The following ANKS1A variants were observed in gnomAD, a reference collection of about 807,000 sequenced individuals.
The protein encoded by ANKS1A is ankyrin repeat and SAM domain-containing protein 1A.
A neutral mutation model predicts 120.3 loss-of-function variants in ANKS1A; 55 were observed. The ratio of observed to expected loss-of-function variants is 0.46; its 90% CI spans 0.37 to 0.57. ANKS1A has a LOEUF of 0.57. ANKS1A is among the 20% of genes least tolerant of loss of function. ANKS1A has a pLI of 0.00. For synonymous variants in ANKS1A, 590 were observed against 604.7 expected (o/e 0.98, Z 0.36); for missense variants, 1,123 against 1,480.3 (o/e 0.76, Z 3.96).
chr6:35,082,696 G>A lies in ANKS1A; in HGVS notation c.2715G>A (p.Glu905=). Residue 905 remains glutamate, a synonymous_variant, in exon 18 of 24, where the codon GAG becomes GAA. Coordinates refer to ENST00000360359, the MANE Select transcript of ANKS1A (RefSeq NM_015245.3). This position sits in a 1 kb window ranked among gnomAD's most constrained non-coding sequence, Gnocchi z 4.1. The part of the protein sequence containing the change: ...SRAERFRIQE[E]HREAKLTLRP... ...CAATTGCGTGTGTTTCGCAGGAGGA[G>A]CACCGTGAGGCCAAGCTGACCCTGC... 2 of 1,609,140 alleles carry A rather than the reference G, an allele frequency of 1.2e-6. No homozygotes were observed. Among genetic ancestry groups the A allele is most frequent in the South Asian group, 2.2e-5 (2 of 90,548 alleles).
chr6:35,081,166 AG>A lies in ANKS1A; in HGVS notation c.2709+13del. The A allele has an allele frequency of 6.2e-7, 1 of 1,603,618 alleles. No individual in the cohort carries two copies. ...GAGCGCTTCAGGATCCAGGTGGGGC[AG>A]GGGGAGTGGAGGTGCAGCCAGGCTC... On this transcript the variant is annotated intron_variant, in intron 17 of 23. Coordinates refer to ENST00000360359, the MANE Select transcript of ANKS1A (RefSeq NM_015245.3).
At position 34,889,464 on chromosome 6, in the gene ANKS1A, A is replaced by T; in HGVS notation, c.62A>T (p.Lys21Met). 7.8e-7 allele frequency: 1 copy of T among 1,287,596 alleles called. No individual in the cohort carries two copies. The highest frequency in any genetic ancestry group is 9.8e-7 in the Non-Finnish European group (1 of 1,022,208). 79.8% of individuals were successfully genotyped at this position (1,287,596 alleles called of 1,614,324 possible). A position where few individuals can be genotyped will look rare whatever the true frequency, so the allele number is the denominator to read the frequency against. Reference sequence around the variant, plus strand: ...ACCGGGCACCTCCCGGCGGTGGAGAAGCTGCTGTCCGGGAAGCGGCTCTCC... The same window carrying T: ...ACCGGGCACCTCCCGGCGGTGGAGATGCTGCTGTCCGGGAAGCGGCTCTCC... ...ARTGHLPAVEKLLSGKRLSSG... is the reference protein window; with the variant it reads ...ARTGHLPAVEMLLSGKRLSSG... The change falls in exon 1 of 24, where the codon AAG becomes ATG. Residue 21 changes from lysine to methionine, a missense_variant. Lys to Met is a moderately conservative substitution (Grantham distance 95). Transcript: ENST00000360359. The surrounding 1 kb of genome is among the most constrained non-coding windows in gnomAD (Gnocchi z 5.5).
At chr6:34,993,784 G>T (rs1231757354) in intron 9 of ANKS1A, among the ~76,000 whole-genome samples, 1 of 152,166 alleles carries the variant, frequency 6.6e-6, no homozygotes, top group African/African-American at 2.4e-5. Context: ...TATTAGAAAA[G>T]AAACGTGGAG....
rs570109771 is a variant in ANKS1A at position 34,935,918 on chromosome 6, CG to C, written c.198-31318del. ...TCTACTAAAAATACAAAAAATTAGCCGGGCGTAGTGGCGGGCGCCTGTAGTC... is the reference window on the plus strand; with the variant it reads ...TCTACTAAAAATACAAAAAATTAGCCGGCGTAGTGGCGGGCGCCTGTAGTC... On this transcript the variant is annotated intron_variant, in intron 1 of 23. Transcript: ENST00000360359. Among the ~76,000 whole-genome samples the C allele has an allele frequency of 7.5e-3, 1,127 of 150,908 alleles. 20 individuals carry two copies. The highest frequency in any genetic ancestry group is 0.026 in the African/African-American group (1,071 of 41,124).
At chr6:34,922,272 C>T (rs540312244) in intron 1 of ANKS1A, among the ~76,000 whole-genome samples, 20 of 152,260 alleles carry the variant, frequency 1.3e-4, no homozygotes, top group African/African-American at 4.8e-4. Flanking sequence ...CCCCATTTTA[C>T]AGATGAGGAA....
rs1204963327 is a variant in ANKS1A, at chr6:35,090,193, C to T, written c.*1584C>T. On this transcript the variant is annotated 3_prime_UTR_variant, in exon 24 of 24. Coordinates refer to ENST00000360359, the MANE Select transcript of ANKS1A (RefSeq NM_015245.3). ...TTGGTACTAAACGAAGATCTCGACA[C>T]CTTGCAGTTTTACTTCATTTCCTGC... 4.7e-6 allele frequency: 6 copies of T among 1,289,348 alleles called. No homozygotes were observed. The highest frequency in any genetic ancestry group is 1.5e-5 in the African/African-American group (1 of 65,872). 79.9% of individuals were successfully genotyped at this position (1,289,348 alleles called of 1,614,324 possible).
At chr6:35,071,429 C>T (rs375657816) in intron 13 of ANKS1A, among the ~76,000 whole-genome samples, 4 of 152,186 alleles carry the variant, frequency 2.6e-5, no homozygotes, top group Non-Finnish European at 4.4e-5. Flanking sequence ...TGTCTTGTTG[C>T]TACAGAGTCC....
At chr6:35,039,091 T>TGGG (rs36124416) in intron 11 of ANKS1A, among the ~76,000 whole-genome samples, 59 of 113,914 alleles carry the variant, frequency 5.2e-4, no homozygotes, top group African/African-American at 1.2e-3. Flanking sequence ...TGTGTGTGTG[T>TGGG]GGGGGGGGGT....
At chr6:34,978,935 G>A (rs188725176) in intron 3 of ANKS1A, among the ~76,000 whole-genome samples, 7 of 150,778 alleles carry the variant, frequency 4.6e-5, no homozygotes, top group East Asian at 2.0e-4. Flanking sequence ...TTGTTCTGTC[G>A]CCCAGGCTGG....
chr6:34,999,835 AAAGAGAGG>A (rs1238650261), intron 10 of ANKS1A, among the ~76,000 whole-genome samples: 1 of 152,126 alleles, frequency 6.6e-6, no homozygotes, highest in East Asian at 1.9e-4. Context: ...CAGCAGAGAG[AAAGAGAGG>A]AAAAGACAGG....
At chr6:34,902,802 C>CA (rs11426793) in intron 1 of ANKS1A, among the ~76,000 whole-genome samples, 10,266 of 75,088 alleles carry the variant, frequency 0.14, 621 homozygotes, top group East Asian at 0.3. Context: ...GACTCCGTCT[C>CA]AAAAAAAAAA....
chr6:35,075,695 G>A (rs965843661), intron 13 of ANKS1A, among the ~76,000 whole-genome samples: 2 of 152,148 alleles, frequency 1.3e-5, no homozygotes, highest in South Asian at 2.1e-4. Context: ...ATTACAGGCC[G>A]AGCCACCGCG....
chr6:34,944,585 T>C (rs1379671480), intron 1 of ANKS1A, among the ~76,000 whole-genome samples: 2 of 152,150 alleles, frequency 1.3e-5, no homozygotes, highest in Non-Finnish European at 2.9e-5. Flanking sequence ...TGGTATACAG[T>C]TTTTACTCAG....
chr6:34,925,447 G>C (rs942066340), intron 1 of ANKS1A, among the ~76,000 whole-genome samples: 6 of 152,188 alleles, frequency 3.9e-5, no homozygotes, highest in Non-Finnish European at 7.3e-5. Context: ...GGCCTTCAAT[G>C]CTCTGTACGT....
chr6:35,004,835 AGT>A (rs1365239148), intron 10 of ANKS1A, among the ~76,000 whole-genome samples: 1 of 152,224 alleles, frequency 6.6e-6, no homozygotes, highest in Non-Finnish European at 1.5e-5. Flanking sequence ...AAAGAAAGAA[AGT>A]GTGGTGTATA....
At chr6:35,034,306 C>G (rs994557157) in intron 11 of ANKS1A, among the ~76,000 whole-genome samples, 1 of 152,122 alleles carries the variant, frequency 6.6e-6, no homozygotes, top group Non-Finnish European at 1.5e-5. Context: ...AATGTTTGTT[C>G]TCTGTCTGGA....
chr6:34,913,920 A>G (rs1301942299), intron 1 of ANKS1A, among the ~76,000 whole-genome samples: 1 of 146,444 alleles, frequency 6.8e-6, no homozygotes, highest in Admixed American at 6.8e-5. Context: ...CAGCCAATAA[A>G]GTAATTTTTT....
At chr6:34,992,390 G>A (rs1027735996) in intron 9 of ANKS1A, among the ~76,000 whole-genome samples, 1 of 152,182 alleles carries the variant, frequency 6.6e-6, no homozygotes, top group African/African-American at 2.4e-5. Flanking sequence ...TTTCCACATG[G>A]AAGTCATCAG....
Position 34,985,278 on chromosome 6 carries a change from T to C in ANKS1A, c.1209T>C (p.Pro403=). ...AAGVKPAGVR[P]RERPPPPAKP... is the part of the protein sequence containing the mutation. ...GAGTGAAACCTGCTGGAGTGAGGCC[T>C]GTATGTGACCCGGGGCTTACACCTC... Residue 403 remains proline, a splice_region_variant and synonymous_variant, in exon 8 of 24, where the codon CCT becomes CCC. Coordinates refer to ENST00000360359, the MANE Select transcript of ANKS1A (RefSeq NM_015245.3). 1 of 1,613,112 alleles carries C rather than the reference T, an allele frequency of 6.2e-7. No homozygotes were observed. Among genetic ancestry groups the C allele is most frequent in the Non-Finnish European group, 8.5e-7 (1 of 1,179,746 alleles).
Sources: allele counts gnomAD v4.1 joint callset (sites outside exome capture counted in the v4.1 genomes callset), GRCh38; gene constraint gnomAD v4.1.1; non-coding constraint Gnocchi (gnomAD v3.1); transcripts MANE v1.5; gene names NCBI Gene and HGNC (gene_info 2026-07-23, HGNC 2026-07-21).